The following MISP variants were observed in gnomAD, a reference collection of about 807,000 sequenced individuals.
MISP encodes the protein mitotic interactor and substrate of PLK1.
Under a neutral mutation model 49.3 loss-of-function variants are expected in MISP, and 51 were observed. That is an observed-to-expected ratio of 1.03 (90% CI 0.83 to 1.31). The LOEUF (loss-of-function observed/expected upper bound fraction) is 1.31. Among genes scored for constraint, MISP ranks in the 50% most tolerant of loss-of-function variants. The probability of loss-of-function intolerance (pLI) is 0.00; values close to 1 mark genes in which losing one functional copy is unlikely to be tolerated. For synonymous variants in MISP, 444 were observed against 392.6 expected (o/e 1.13, Z -1.55); for missense variants, 1,084 against 935.1 (o/e 1.16, Z -2.08).
Position 763,501 on chromosome 19 carries a change from G to T in MISP, c.1951G>T (p.Val651Phe). 6.2e-7 allele frequency: 1 copy of T among 1,613,316 alleles called. No individual in the cohort carries two copies. Among genetic ancestry groups the T allele is most frequent in the Non-Finnish European group, 8.5e-7 (1 of 1,179,350 alleles). The part of the protein sequence containing the change: ...INPSDGINSE[V>F]LEAIRVTRHK... ...GGGAATTCATGCCTCCTTTTTGCAG[G>T]TCCTGGAAGCCATACGGGTGACCCG... The change falls in exon 5 of 5, where the codon GTC (valine) becomes TTC (phenylalanine). Residue 651 changes from valine to phenylalanine, a missense_variant and splice_region_variant. By Grantham distance (50) the Val-to-Phe change is conservative. Coordinates refer to ENST00000215582, the MANE Select transcript of MISP (RefSeq NM_173481.4).
At chr19:749,048 G>T, upstream of MISP, among the ~76,000 whole-genome samples, 1 of 152,228 alleles carries the variant, frequency 6.6e-6, no homozygotes, top group East Asian at 1.9e-4. Flanking sequence ...TGAGGCAGGA[G>T]AATCGCTTGA....
chr19:758,776 TG>T (rs1230642645), intron 2 of MISP, 50 bp downstream of exon 2: 1 of 1,527,724 alleles, frequency 6.5e-7, no homozygotes, highest in Non-Finnish European at 8.9e-7. Flanking sequence ...TCTCAGAGGT[TG>T]GAGCAGGGGA....
At position 758,083 on chromosome 19, in the gene MISP, C is replaced by T; in HGVS notation, c.1137C>T (p.Asp379=). Residue 379 remains aspartate (D), a synonymous_variant, in exon 2 of 5, where the codon GAC becomes GAT. Coordinates refer to ENST00000215582, the MANE Select transcript of MISP (RefSeq NM_173481.4). ...GLHVGRASTP[D]WVSEGPQPGL... is the part of the protein sequence containing the mutation. ...ACGTGGGCCGGGCGTCCACACCCGA[C>T]TGGGTCTCGGAGGGTCCCCAGCCCG... The T allele has an allele frequency of 6.3e-7, 1 of 1,581,158 alleles. No individual in the cohort carries two copies. Among genetic ancestry groups the T allele is most frequent in the East Asian group, 2.3e-5 (1 of 44,304 alleles).
chr19:760,118 G>T, intron 3 of MISP, 79 bp downstream of exon 3: 1 of 1,561,754 alleles, frequency 6.4e-7, no homozygotes, highest in Non-Finnish European at 8.7e-7. Flanking sequence ...GTTCAAGCAG[G>T]ACTCAAGCCT....
At chr19:759,545 G>T (rs36108470) in intron 2 of MISP, among the ~76,000 whole-genome samples, 1 of 151,650 alleles carries the variant, frequency 6.6e-6, no homozygotes, top group Non-Finnish European at 1.5e-5. Flanking sequence ...GACTACAGGC[G>T]CCTGCCTCCA....
rs139392576 is a variant in MISP, at chr19:753,942, G to C, written c.-58+2771G>C. Among the ~76,000 whole-genome samples the C allele has an allele frequency of 1.6e-4, 25 of 152,070 alleles. No individual in the cohort carries two copies. The East Asian group carries it at 4.7e-3, about 28-fold the overall frequency. On this transcript the variant is annotated intron_variant, in intron 1 of 4. Transcript: ENST00000215582. ...CAGGCCTGAGCCCCTGTGCCCAGCC[G>C]ACAGTGCTTTTTTTAGGAGTCAGGA... is the stretch of plus-strand genomic sequence containing the variant.
rs761522541 is a variant in MISP, at chr19:758,236, C to G, written c.1290C>G (p.Ser430Arg). ...IPPDAYQPYL[S>R]PGTPQLEFSA... ...CTGATGCCTACCAGCCGTACCTGAG[C>G]CCCGGGACCCCCCAGCTAGAATTCT... is the stretch of plus-strand genomic sequence containing the variant. The change falls in exon 2 of 5, where the codon AGC becomes AGG. Residue 430 changes from serine to arginine, a missense_variant. By Grantham distance (110) the Ser-to-Arg change is moderately radical. Transcript: ENST00000215582. 6.2e-7 allele frequency: 1 copy of G among 1,613,478 alleles called. No homozygotes were observed. Among genetic ancestry groups the G allele is most frequent in the Admixed American group, 1.7e-5 (1 of 59,994 alleles).
Position 757,314 on chromosome 19 carries a change from C to T in MISP, c.368C>T (p.Thr123Ile). 1.2e-6 allele frequency: 2 copies of T among 1,614,040 alleles called. No homozygotes were observed. The highest frequency in any genetic ancestry group is 1.7e-6 in the Non-Finnish European group (2 of 1,179,970). The change falls in exon 2 of 5, where the codon ACC becomes ATC. Residue 123 changes from threonine (T) to isoleucine (I), a missense_variant. Physicochemically the swap from Thr to Ile is moderately conservative, Grantham distance 89 (BLOSUM62 -1). Transcript: ENST00000215582. Reference sequence around the variant, plus strand: ...GACGGGGAGGACAAGGAGATGAAGACCTACCGCCTGGATGCTGGGGACGCT... The same window carrying T: ...GACGGGGAGGACAAGGAGATGAAGATCTACCGCCTGGATGCTGGGGACGCT... ...PEDGEDKEMK[T>I]YRLDAGDADP...
Position 758,525 on chromosome 19 carries a change from G to A in MISP, c.1579G>A (p.Gly527Ser). ...GCAGGCCCAAGTCCCCCATGTCTGG[G>A]GCTGGGAGGTGGCTGGGGCCCCTGC... ...PQQAQVPHVW[G>S]WEVAGAPALR... The change falls in exon 2 of 5, where the codon GGC (glycine) becomes AGC (serine). Residue 527 changes from glycine (G) to serine (S), a missense_variant. By Grantham distance (56) the Gly-to-Ser change is moderately conservative (BLOSUM62 0). Transcript: ENST00000215582. 2.5e-6 allele frequency: 4 copies of A among 1,614,140 alleles called. No homozygotes were observed. Among genetic ancestry groups the A allele is most frequent in the Non-Finnish European group, 3.4e-6 (4 of 1,179,976 alleles).
At chr19:748,905 G>A (rs1361715583), upstream of MISP, among the ~76,000 whole-genome samples, 5 of 152,330 alleles carry the variant, frequency 3.3e-5, no homozygotes, top group South Asian at 2.1e-4. Flanking sequence ...TTGGGAGGCC[G>A]AGGTGGGCGG....
chr19:759,615 C>T (rs529598601), intron 2 of MISP, among the ~76,000 whole-genome samples: 167 of 150,868 alleles, frequency 1.1e-3, no homozygotes, highest in African/African-American at 3.6e-3. Flanking sequence ...TTAGCCAGGA[C>T]GGTCTCGATC....
chr19:763,082 G>A (rs1443861200), intron 4 of MISP, among the ~76,000 whole-genome samples: 4 of 152,154 alleles, frequency 2.6e-5, no homozygotes, highest in Non-Finnish European at 5.9e-5. Context: ...GAGGTCAGGA[G>A]ATCGAGACCA....
intron 4 of MISP, among the ~76,000 whole-genome samples, chr19:762,792 A>C (rs745406140): frequency 6.6e-6 from 1 of 151,872 alleles, no homozygotes; most frequent in Non-Finnish European, 1.5e-5. Flanking sequence ...CCAAGTAGGA[A>C]CATAGGAATG....
At chr19:758,789 G>C (rs999271812) in intron 2 of MISP, 63 bp downstream of exon 2, 1 of 1,419,056 alleles carries the variant, frequency 7.0e-7, no homozygotes, top group African/African-American at 1.4e-5. Context: ...AGCAGGGGAG[G>C]GTGGGGAGGT....
intron 1 of MISP, among the ~76,000 whole-genome samples, chr19:752,681 C>A (rs909489206): frequency 1.3e-3 from 2 of 1,552 alleles, no homozygotes; most frequent in African/African-American, 7.2e-3. Flanking sequence ...TGCCTTCATC[C>A]CCACCCAACC....
chr19:749,265 C>T (rs963075791), upstream of MISP, among the ~76,000 whole-genome samples: 12 of 152,238 alleles, frequency 7.9e-5, no homozygotes, highest in African/African-American at 2.9e-4. Context: ...CTCAGTTTTC[C>T]CCGATGAGGT....
chr19:756,415 CTGAT>C (rs2033550068), intron 1 of MISP, among the ~76,000 whole-genome samples: 1 of 152,148 alleles, frequency 6.6e-6, no homozygotes, highest in Non-Finnish European at 1.5e-5. Context: ...GTGGGATGCT[CTGAT>C]TGATCAGGAT....
At position 757,362 on chromosome 19, in the gene MISP, T is replaced by C; in HGVS notation, c.416T>C (p.Leu139Pro). Residue 139 changes from leucine to proline, a missense_variant, in exon 2 of 5, where the codon CTG becomes CCG. By Grantham distance (98) the Leu-to-Pro change is moderately conservative. Coordinates refer to ENST00000215582, the MANE Select transcript of MISP (RefSeq NM_173481.4). ...GCTGACCCCAGGAGGCTGTGTGACC[T>C]GGAGCGGGAGCGCTGGGCCGTCATC... ...GDADPRRLCDLERERWAVIQG... is the reference protein window; with the variant it reads ...GDADPRRLCDPERERWAVIQG... 1.9e-6 allele frequency: 3 copies of C among 1,613,128 alleles called. No individual in the cohort carries two copies. Among genetic ancestry groups the C allele is most frequent in the South Asian group, 1.1e-5 (1 of 90,968 alleles).
rs1013200197 is a variant in MISP, at chr19:758,505, C to G, written c.1559C>G (p.Ala520Gly). Reference sequence around the variant, plus strand: ...AGGGCCCCAGACGAGCCCCAGCAGGCCCAAGTCCCCCATGTCTGGGGCTGG... The same window carrying G: ...AGGGCCCCAGACGAGCCCCAGCAGGGCCAAGTCCCCCATGTCTGGGGCTGG... ...RFRAPDEPQQ[A>G]QVPHVWGWEV... Residue 520 changes from alanine (A) to glycine (G), a missense_variant, in exon 2 of 5, where the codon GCC becomes GGC. By Grantham distance (60) the Ala-to-Gly change is moderately conservative. Transcript: ENST00000215582. 1 of 1,614,088 alleles carries G rather than the reference C, an allele frequency of 6.2e-7. No individual in the cohort carries two copies. The highest frequency in any genetic ancestry group is 8.5e-7 in the Non-Finnish European group (1 of 1,179,956).
Sources: gnomAD v4.1 joint callset for allele counts (sites outside exome capture counted in the v4.1 genomes callset) on GRCh38, gnomAD v4.1.1 for gene constraint, MANE v1.5 for transcripts, NCBI Gene and HGNC (gene_info 2026-07-23, HGNC 2026-07-21) for gene names.